The following RBFOX1 variants were observed in gnomAD, a reference collection of about 807,000 sequenced individuals.
The protein encoded by RBFOX1 is RNA binding fox-1 homolog 1.
Under a neutral mutation model 57.7 loss-of-function variants are expected in RBFOX1, and 8 were observed. The observed-to-expected ratio is 0.14, with a 90% CI of 0.08 to 0.25. The LOEUF (loss-of-function observed/expected upper bound fraction) is 0.25, where lower values mean the gene tolerates loss of function less well. RBFOX1 is among the 10% of genes least tolerant of loss of function. The pLI, the probability that RBFOX1 is intolerant of heterozygous loss-of-function variation, is 1.00. For missense variants in RBFOX1, 611 were observed against 548.5 expected (o/e 1.11, Z -1.14); for synonymous variants, 326 against 222.4 (o/e 1.47, Z -4.15).
intron 3 of RBFOX1, among the ~76,000 whole-genome samples, chr16:6,678,416 A>T (rs2058097784): frequency 6.6e-6 from 1 of 151,870 alleles, no homozygotes; most frequent in Non-Finnish European, 1.5e-5. Flanking sequence ...GAGCCGCTGC[A>T]CCTGGCCAAA....
At chr16:7,196,706 G>C (rs1328854578) in intron 4 of RBFOX1, among the ~76,000 whole-genome samples, 1 of 152,180 alleles carries the variant, frequency 6.6e-6, no homozygotes, top group East Asian at 1.9e-4. Context: ...TGTGTACAGA[G>C]GGTCAGGAGT....
chr16:7,687,149 C>A (rs1213275381), intron 14 of RBFOX1, among the ~76,000 whole-genome samples: 2 of 152,052 alleles, frequency 1.3e-5, no homozygotes, highest in African/African-American at 4.8e-5. Context: ...TGTGTATACC[C>A]TGTCTCATTC....
intron 2 of RBFOX1, among the ~76,000 whole-genome samples, chr16:5,534,525 C>G (rs1205881207): frequency 3.3e-5 from 5 of 152,156 alleles, no homozygotes; most frequent in African/African-American, 1.2e-4. Context: ...ATTGAAGAAC[C>G]TGGAGTATCT....
chr16:6,461,961 G>A (rs997776093), intron 2 of RBFOX1, among the ~76,000 whole-genome samples: 1 of 152,162 alleles, frequency 6.6e-6, no homozygotes. Context: ...CCAGGGGCTT[G>A]TATGTTGAAT....
intron 1 of RBFOX1, among the ~76,000 whole-genome samples, chr16:6,218,082 A>G (rs575265587): frequency 6.6e-6 from 1 of 152,282 alleles, no homozygotes; most frequent in South Asian, 2.1e-4. Flanking sequence ...AGAAATTTTA[A>G]AAGGAATGTG....
chr16:5,505,784 G>T (rs182319366), intron 2 of RBFOX1, among the ~76,000 whole-genome samples: 19 of 152,300 alleles, frequency 1.2e-4, no homozygotes, highest in Non-Finnish European at 2.4e-4. Flanking sequence ...TTGGAGGGCT[G>T]CTTGGGGATA....
At chr16:6,213,631 C>T (rs987539774) in intron 1 of RBFOX1, among the ~76,000 whole-genome samples, 5 of 152,292 alleles carry the variant, frequency 3.3e-5, no homozygotes, top group East Asian at 1.9e-4. Flanking sequence ...ACCTGGGAGT[C>T]ATGAGTCTGT....
At chr16:7,304,529 G>C (rs1466713034) in intron 4 of RBFOX1, 2 of 985,094 alleles carry the variant, frequency 2.0e-6, no homozygotes, top group African/African-American at 3.5e-5. Context: ...CCTGGGGCTG[G>C]GCCAGATGGG....
chr16:7,488,653 C>T (rs528232550), intron 4 of RBFOX1, among the ~76,000 whole-genome samples: 65 of 152,292 alleles, frequency 4.3e-4, no homozygotes, highest in South Asian at 1.0e-3. Flanking sequence ...TTTGTCTGTA[C>T]GTACATCAAT....
chr16:7,560,524 T>G (rs2090065166), intron 5 of RBFOX1, among the ~76,000 whole-genome samples: 1 of 137,562 alleles, frequency 7.3e-6, no homozygotes. Flanking sequence ...CATTTTTATG[T>G]AGAGTATCAA....
chr16:6,173,490 A>T (rs1050432418), intron 1 of RBFOX1, among the ~76,000 whole-genome samples: 1 of 151,476 alleles, frequency 6.6e-6, no homozygotes, highest in Admixed American at 6.6e-5. Flanking sequence ...CACTCCACTC[A>T]CCAGTGGATA....
intron 3 of RBFOX1, among the ~76,000 whole-genome samples, chr16:5,737,204 C>T (rs1433873200): frequency 6.6e-6 from 1 of 152,020 alleles, no homozygotes; most frequent in Non-Finnish European, 1.5e-5. Flanking sequence ...AGATTCTGGG[C>T]TGGGTGCAGT....
intron 1 of RBFOX1, among the ~76,000 whole-genome samples, chr16:6,233,595 C>A (rs1234486645): frequency 6.6e-6 from 1 of 152,130 alleles, no homozygotes; most frequent in Non-Finnish European, 1.5e-5. Flanking sequence ...TAAGTCTCCA[C>A]ACCACACCAG....
At chr16:6,777,432 A>G (rs763438011) in intron 3 of RBFOX1, among the ~76,000 whole-genome samples, 18 of 152,300 alleles carry the variant, frequency 1.2e-4, no homozygotes, top group Middle Eastern at 3.4e-3. Context: ...AAACCAACCA[A>G]ATAACACTAG....
chr16:7,135,322 A>G (rs1025531523), intron 4 of RBFOX1, among the ~76,000 whole-genome samples: 1 of 152,202 alleles, frequency 6.6e-6, no homozygotes, highest in African/African-American at 2.4e-5. Flanking sequence ...TTTGTTTGCA[A>G]GAGGAAATTT....
At chr16:6,093,725 G>A (rs74958776) in intron 1 of RBFOX1, among the ~76,000 whole-genome samples, 1 of 151,878 alleles carries the variant, frequency 6.6e-6, no homozygotes, top group Non-Finnish European at 1.5e-5. Context: ...AGGCTCAAGC[G>A]ATCCTTTCTC....
chr16:6,992,247 T>A (rs2091604829), intron 3 of RBFOX1, among the ~76,000 whole-genome samples: 1 of 151,728 alleles, frequency 6.6e-6, no homozygotes, highest in Non-Finnish European at 1.5e-5. Context: ...TACTGCAGCC[T>A]CTGCCTCCCG....
chr16:6,749,069 A>G (rs938058806), intron 3 of RBFOX1: 2 of 152,182 alleles, frequency 1.3e-5, no homozygotes, highest in African/African-American at 2.4e-5. Flanking sequence ...AAAATGACTG[A>G]TATTTCTGTC....
At chr16:6,414,864 A>G (rs772372001) in intron 2 of RBFOX1, among the ~76,000 whole-genome samples, 9 of 152,156 alleles carry the variant, frequency 5.9e-5, no homozygotes, top group Non-Finnish European at 1.2e-4. Flanking sequence ...TCTAGTGGAT[A>G]TAGGTCAAGG....
Sources: gnomAD v4.1 joint callset for allele counts (sites outside exome capture counted in the v4.1 genomes callset) on GRCh38, gnomAD v4.1.1 for gene constraint, MANE v1.5 for transcripts, NCBI Gene and HGNC (gene_info 2026-07-23, HGNC 2026-07-21) for gene names.